The following EFCAB6 variants were observed in gnomAD, a reference collection of about 807,000 sequenced individuals.
EFCAB6 encodes EF-hand calcium binding domain 6.
A neutral mutation model predicts 169.8 loss-of-function variants in EFCAB6; 156 were observed. The ratio of observed to expected loss-of-function variants is 0.92; its 90% CI spans 0.81 to 1.05. The LOEUF (loss-of-function observed/expected upper bound fraction) is 1.05. Ranked by LOEUF, EFCAB6 falls within the 50% of genes least tolerant of loss-of-function variation. The probability of loss-of-function intolerance (pLI) is 0.00; values close to 1 mark genes in which losing one functional copy is unlikely to be tolerated. For missense variants in EFCAB6, 1,800 were observed against 1,829.1 expected, an observed-to-expected ratio of 0.98 and a Z score of 0.29; for synonymous variants, 698 against 676.4, an observed-to-expected ratio of 1.03 and a Z score of -0.50.
intron 17 of EFCAB6, among the ~76,000 whole-genome samples, chr22:43,651,186 T>C (rs1408491030): frequency 1.3e-5 from 2 of 152,146 alleles, no homozygotes; most frequent in Non-Finnish European, 2.9e-5. Context: ...CCTGGAGGTC[T>C]AGGAGGAAAA....
intron 17 of EFCAB6, among the ~76,000 whole-genome samples, chr22:43,655,989 T>C (rs2056719205): frequency 6.6e-6 from 1 of 152,218 alleles, no homozygotes; most frequent in African/African-American, 2.4e-5. Context: ...TCAAAGTGAA[T>C]AATTCAACAG....
At chr22:43,700,914 G>A (rs2058744103) in intron 10 of EFCAB6, among the ~76,000 whole-genome samples, 1 of 152,150 alleles carries the variant, frequency 6.6e-6, no homozygotes, top group African/African-American at 2.4e-5. Context: ...CATGAAGAGA[G>A]CTACTATAAA....
At chr22:43,796,457 T>A (rs1221609893) in intron 2 of EFCAB6, among the ~76,000 whole-genome samples, 4 of 152,148 alleles carry the variant, frequency 2.6e-5, no homozygotes, top group African/African-American at 9.7e-5. Flanking sequence ...TTTGTAATAC[T>A]CCTTTATCAT....
chr22:43,658,089 T>C (rs749894486), intron 17 of EFCAB6, among the ~76,000 whole-genome samples: 1 of 151,640 alleles, frequency 6.6e-6, no homozygotes, highest in Non-Finnish European at 1.5e-5. Flanking sequence ...ATTATCCGGG[T>C]ATGGTGGCGG....
At position 43,537,879 on chromosome 22, in the gene EFCAB6, G is replaced by A. The variant is rs760887323; in HGVS notation, c.3880-334C>T. Among the ~76,000 whole-genome samples the A allele has an allele frequency of 7.2e-5, 11 of 152,120 alleles. No homozygotes were observed. The highest frequency in any genetic ancestry group is 1.3e-4 in the Admixed American group (2 of 15,272). Reference sequence around the variant, plus strand: ...GACAACGACAAATTTTTTCACTAGCGGAAGAGTCTTATCCAAGAAAGGGAT... The same window carrying A: ...GACAACGACAAATTTTTTCACTAGCAGAAGAGTCTTATCCAAGAAAGGGAT... On this transcript the variant is annotated intron_variant, in intron 28 of 31. Coordinates refer to ENST00000262726, the MANE Select transcript of EFCAB6 (RefSeq NM_022785.4). The surrounding 1 kb of genome is among the most constrained non-coding windows in gnomAD (Gnocchi z 4.3).
intron 26 of EFCAB6, among the ~76,000 whole-genome samples, chr22:43,568,232 G>A (rs182189381): frequency 2.0e-5 from 3 of 152,224 alleles, no homozygotes; most frequent in Admixed American, 2.0e-4. Context: ...GTCCAGTCCA[G>A]TGCAGCATCC....
chr22:43,575,126 G>A (rs989957286), intron 26 of EFCAB6, among the ~76,000 whole-genome samples: 2 of 152,168 alleles, frequency 1.3e-5, no homozygotes, highest in Admixed American at 6.5e-5. Context: ...GGTGACGACC[G>A]AATGGCAGCA....
At chr22:43,667,423 C>T (rs2057313309) in intron 16 of EFCAB6, 151 bp from the exon 17 acceptor site, 1 of 948,540 alleles carries the variant, frequency 1.1e-6, no homozygotes. Context: ...GACTCAGGGG[C>T]TTCTTACCCT....
chr22:43,585,439 G>A (rs964225883), intron 24 of EFCAB6, among the ~76,000 whole-genome samples: 3 of 152,090 alleles, frequency 2.0e-5, no homozygotes, highest in African/African-American at 7.2e-5. Flanking sequence ...AAAAAAGAAC[G>A]GGGAGAGGGT....
chr22:43,605,714 G>C (rs1602563585), intron 22 of EFCAB6, among the ~76,000 whole-genome samples: 1 of 152,108 alleles, frequency 6.6e-6, no homozygotes, highest in Non-Finnish European at 1.5e-5. Flanking sequence ...TGCACTGCAT[G>C]ATGAACGTAT....
chr22:43,712,359 TAAG>T (rs2059191344), intron 9 of EFCAB6, among the ~76,000 whole-genome samples: 1 of 152,078 alleles, frequency 6.6e-6, no homozygotes, highest in Non-Finnish European at 1.5e-5. Flanking sequence ...CTAACTGGGA[TAAG>T]AAGATAAACA....
intron 12 of EFCAB6, among the ~76,000 whole-genome samples, chr22:43,678,496 G>T (rs1047246413): frequency 6.6e-6 from 1 of 152,060 alleles, no homozygotes; most frequent in African/African-American, 2.4e-5. Flanking sequence ...TGAATGGCTT[G>T]AACAGCTCCT....
chr22:43,542,686 A>G (rs1602152026), intron 27 of EFCAB6, among the ~76,000 whole-genome samples: 2 of 152,268 alleles, frequency 1.3e-5, no homozygotes, highest in South Asian at 2.1e-4. Context: ...TGGAGGAGGC[A>G]GCACCGGAGG....
At chr22:43,805,241 A>G (rs1246740691) in intron 2 of EFCAB6, among the ~76,000 whole-genome samples, 1 of 152,232 alleles carries the variant, frequency 6.6e-6, no homozygotes, top group Non-Finnish European at 1.5e-5. Context: ...ACAGAAAGGT[A>G]TTTCATGCTC....
At chr22:43,542,652 C>T (rs544049353) in intron 27 of EFCAB6, among the ~76,000 whole-genome samples, 2 of 152,088 alleles carry the variant, frequency 1.3e-5, no homozygotes, top group Non-Finnish European at 2.9e-5. Context: ...CCTATTTTAA[C>T]TGAAGAGCCT....
chr22:43,614,467 C>T (rs2053555681), intron 21 of EFCAB6, among the ~76,000 whole-genome samples: 1 of 152,180 alleles, frequency 6.6e-6, no homozygotes, highest in African/African-American at 2.4e-5. Context: ...ATACCCTCCA[C>T]AAAAATTAAC....
intron 30 of EFCAB6, among the ~76,000 whole-genome samples, chr22:43,533,869 A>C (rs944710766): frequency 6.6e-6 from 1 of 152,150 alleles, no homozygotes; most frequent in African/African-American, 2.4e-5. Flanking sequence ...CCTGGCTGGA[A>C]GCAGGACTGG....
intron 17 of EFCAB6, among the ~76,000 whole-genome samples, chr22:43,635,600 C>G (rs1178799024): frequency 6.6e-6 from 1 of 152,092 alleles, no homozygotes; most frequent in Non-Finnish European, 1.5e-5. Context: ...ATAAAGCAAG[C>G]AAGGTAGTTT....
At chr22:43,777,909 G>T (rs1315958478) in intron 3 of EFCAB6, among the ~76,000 whole-genome samples, 1 of 152,154 alleles carries the variant, frequency 6.6e-6, no homozygotes, top group Non-Finnish European at 1.5e-5. Context: ...ACAAATTGAT[G>T]GAATCTTTCT....
Sources: allele counts gnomAD v4.1 joint callset (sites outside exome capture counted in the v4.1 genomes callset), GRCh38; gene constraint gnomAD v4.1.1; non-coding constraint Gnocchi (gnomAD v3.1); transcripts MANE v1.5; gene names NCBI Gene and HGNC (gene_info 2026-07-23, HGNC 2026-07-21).